The following FBXL19 variants were observed in gnomAD, a reference collection of about 807,000 sequenced individuals.
FBXL19 encodes the protein F-box and leucine rich repeat protein 19.
FBXL19 carries 16 observed loss-of-function variants against 71.2 expected under a neutral mutation model. The ratio of observed to expected loss-of-function variants is 0.22; its 90% CI spans 0.15 to 0.34. The LOEUF is 0.34. FBXL19 is among the 10% of genes least tolerant of loss of function. FBXL19 has a pLI of 1.00. For synonymous variants in FBXL19, 447 were observed against 409.4 expected (o/e 1.09, Z -1.11); for missense variants, 658 against 968.2 (o/e 0.68, Z 4.25).
Position 30,947,654 on chromosome 16 carries a change from C to G in FBXL19, c.*424C>G. The G allele has an allele frequency of 3.4e-6, 1 of 296,272 alleles. No individual in the cohort carries two copies. The highest frequency in any genetic ancestry group is 2.4e-5 in the South Asian group (1 of 41,986). The allele number at this position is 296,272 out of a possible 1,614,324, so 18.4% of individuals were successfully genotyped here. On this transcript the variant is annotated 3_prime_UTR_variant, in exon 11 of 11. Coordinates refer to ENST00000338343, the MANE Select transcript of FBXL19 (RefSeq NM_001382779.1). The stretch of plus-strand genomic sequence containing the variant: ...AGCAGACCACCAAGGGTTCAGGGAA[C>G]AAAGACCAGTTACTTGGAGTGGGGG...
chr16:30,931,502 T>C (rs1394736758), intron 7 of FBXL19, among the ~76,000 whole-genome samples: 2 of 152,150 alleles, frequency 1.3e-5, no homozygotes, highest in Non-Finnish European at 2.9e-5. Flanking sequence ...AGGCTCCCTG[T>C]TGGGCACTGC....
At chr16:30,941,852 T>TG (rs1354094864) in intron 7 of FBXL19, among the ~76,000 whole-genome samples, 3 of 152,004 alleles carry the variant, frequency 2.0e-5, no homozygotes, top group South Asian at 2.1e-4. Context: ...GCAGGCAGAG[T>TG]GGGGGGGCTA....
At chr16:30,938,613 A>G (rs200075361) in intron 7 of FBXL19, among the ~76,000 whole-genome samples, 2 of 152,254 alleles carry the variant, frequency 1.3e-5, no homozygotes, top group East Asian at 3.9e-4. Flanking sequence ...AAGTCTTTCC[A>G]TTGGAAGGAA....
intron 9 of FBXL19, among the ~76,000 whole-genome samples, chr16:30,943,723 G>A (rs981452824): frequency 1.3e-5 from 2 of 151,880 alleles, no homozygotes; most frequent in African/African-American, 4.8e-5. Context: ...GGCCGATCTC[G>A]AACTCCTTGT....
chr16:30,948,034 T>A lies in FBXL19; in HGVS notation c.*804T>A, dbSNP rs1234545995. 3.6e-6 allele frequency: 1 copy of A among 280,260 alleles called. No homozygotes were observed. The highest frequency in any genetic ancestry group is 2.3e-5 in the African/African-American group (1 of 43,882). The allele number at this position is 280,260 out of a possible 1,614,324, so 17.4% of individuals were successfully genotyped here. A position where few individuals can be genotyped will look rare whatever the true frequency, so the allele number is the denominator to read the frequency against. ...CATTCATCTGTACTGAAGTGTTACT[T>A]GAACCGGGGGAATCTCGGACCTGGG... On this transcript the variant is annotated 3_prime_UTR_variant, in exon 11 of 11. Transcript: ENST00000338343.
intron 7 of FBXL19, among the ~76,000 whole-genome samples, chr16:30,933,387 C>T (rs2055696670): frequency 6.6e-6 from 1 of 152,154 alleles, no homozygotes. Flanking sequence ...GATTCACCCA[C>T]CTTGGCCTCC....
At chr16:30,938,309 G>C (rs1368335684) in intron 7 of FBXL19, among the ~76,000 whole-genome samples, 1 of 151,986 alleles carries the variant, frequency 6.6e-6, no homozygotes, top group Non-Finnish European at 1.5e-5. Flanking sequence ...GAGCCCAGGG[G>C]TTCAAGACAA....
chr16:30,933,626 C>CT (rs1331865971), intron 7 of FBXL19, among the ~76,000 whole-genome samples: 9 of 147,494 alleles, frequency 6.1e-5, no homozygotes, highest in Admixed American at 2.7e-4. Flanking sequence ...ATTTTTAAAA[C>CT]TTTTTTGCAG....
intron 1 of FBXL19, 155 bp downstream of exon 1, chr16:30,924,614 C>T: frequency 3.6e-6 from 5 of 1,372,258 alleles, no homozygotes; most frequent in East Asian, 3.1e-5. Flanking sequence ...CCTCTCCACC[C>T]TGGGGAACTG....
intron 7 of FBXL19, among the ~76,000 whole-genome samples, chr16:30,937,605 A>T (rs1485508881): frequency 6.6e-6 from 1 of 152,102 alleles, no homozygotes; most frequent in African/African-American, 2.4e-5. Context: ...AGGGGGACTG[A>T]TGAGCTGTAG....
chr16:30,946,160 C>T lies in FBXL19; in HGVS notation c.1628-570C>T, dbSNP rs1226597051. On this transcript the variant is annotated intron_variant, in intron 9 of 10. Transcript: ENST00000338343. This position sits in a 1 kb window ranked among gnomAD's most constrained non-coding sequence, Gnocchi z 6.7. The stretch of plus-strand genomic sequence containing the variant: ...GTGAAGGAATCGGCATGTCACATGG[C>T]AAGACAGCAAGAGAGAGGAGGGGAG... Among the ~76,000 whole-genome samples, 2 of 152,076 alleles carry T rather than the reference C, an allele frequency of 1.3e-5. No individual in the cohort carries two copies. Among genetic ancestry groups the T allele is most frequent in the Non-Finnish European group, 2.9e-5 (2 of 68,022 alleles).
intron 7 of FBXL19, among the ~76,000 whole-genome samples, chr16:30,933,756 CTT>C (rs1029185414): frequency 7.2e-6 from 1 of 139,590 alleles, no homozygotes. Context: ...CGGCCAAGAA[CTT>C]TTTTTTTTTT....
rs1053929553 is a variant in FBXL19 at position 30,923,618 on chromosome 16, G to T, written c.-866G>T. On this transcript the variant is annotated 5_prime_UTR_variant, in exon 1 of 11. Transcript: ENST00000338343. Reference sequence around the variant, plus strand: ...GAGCTGAGGAGGGATGAGAGAGGCGGCCAGGGCCCCGGGCCGTAGCAGCGC... The same window carrying T: ...GAGCTGAGGAGGGATGAGAGAGGCGTCCAGGGCCCCGGGCCGTAGCAGCGC... 6.6e-6 allele frequency among the ~76,000 whole-genome samples: 1 copy of T among 151,604 alleles called. No homozygotes were observed. Among genetic ancestry groups the T allele is most frequent in the Non-Finnish European group, 1.5e-5 (1 of 67,768 alleles).
chr16:30,942,864 G>T lies in FBXL19; in HGVS notation c.1627+328G>T, dbSNP rs1195149252. Among the ~76,000 whole-genome samples, 1 of 152,152 alleles carries T rather than the reference G, an allele frequency of 6.6e-6. No homozygotes were observed. The highest frequency in any genetic ancestry group is 1.5e-5 in the Non-Finnish European group (1 of 68,038). On this transcript the variant is annotated intron_variant, in intron 9 of 10. Coordinates refer to ENST00000338343, the MANE Select transcript of FBXL19 (RefSeq NM_001382779.1). This position sits in a 1 kb window ranked among gnomAD's most constrained non-coding sequence, Gnocchi z 5.7. ...CTACTTAAATCTCATCATCCTTTAGGCCTGGGTATAAATGCCACTTCCTCC... is the reference window on the plus strand; with the variant it reads ...CTACTTAAATCTCATCATCCTTTAGTCCTGGGTATAAATGCCACTTCCTCC...
rs1344674266 is a variant in FBXL19 at position 30,923,793 on chromosome 16, T to TGGGGGA, written c.-683_-678dup. ...CCCTATCTCCCGAGGGTCGCGCGCT[T>TGGGGGA]GGGGGAGGGGGAGAGGTCGGGGGTG... On this transcript the variant is annotated 5_prime_UTR_variant, in exon 1 of 11. Transcript: ENST00000338343. 4.4e-5 allele frequency among the ~76,000 whole-genome samples: 2 copies of TGGGGGA among 45,380 alleles called. No homozygotes were observed. The highest frequency in any genetic ancestry group is 1.7e-4 in the African/African-American group (2 of 11,636). The allele number at this position is 45,380 out of a possible 152,430, so 29.8% of individuals were successfully genotyped here.
At chr16:30,924,776 T>G in intron 1 of FBXL19, 1 of 1,481,410 alleles carries the variant, frequency 6.8e-7, no homozygotes, top group South Asian at 1.4e-5. Flanking sequence ...GGGGTAAGAC[T>G]GACTGGGAAG....
intron 9 of FBXL19, among the ~76,000 whole-genome samples, chr16:30,944,717 C>T (rs956910299): frequency 6.6e-6 from 1 of 152,198 alleles, no homozygotes; most frequent in African/African-American, 2.4e-5. Flanking sequence ...TCCTCCCTGC[C>T]CAAGCCAGAA....
In FBXL19 at chr16:30,928,639, G is replaced by A. The variant is rs1430407100; in HGVS notation, c.789+11G>A. Reference sequence around the variant, plus strand: ...CCCGAGAACTGGGAGGTGTGCCGGGGACCTCCTCCCTCCCCTTCCCACCTT... The same window carrying A: ...CCCGAGAACTGGGAGGTGTGCCGGGAACCTCCTCCCTCCCCTTCCCACCTT... On this transcript the variant is annotated intron_variant, in intron 6 of 10. Coordinates refer to ENST00000338343, the MANE Select transcript of FBXL19 (RefSeq NM_001382779.1). The A allele has an allele frequency of 1.3e-6, 2 of 1,545,300 alleles. No individual in the cohort carries two copies. Among genetic ancestry groups the A allele is most frequent in the Admixed American group, 3.9e-5 (2 of 50,856 alleles).
rs575566584 is a variant in FBXL19, at chr16:30,946,546, G to C, written c.1628-184G>C. ...AATACAATAATCATGGAAGGCCTCC[G>C]AGGAGGTGATGTGAGGAGTGGACAG... On this transcript the variant is annotated intron_variant, in intron 9 of 10. Coordinates refer to ENST00000338343, the MANE Select transcript of FBXL19 (RefSeq NM_001382779.1). This position sits in a 1 kb window ranked among gnomAD's most constrained non-coding sequence, Gnocchi z 6.7. Among the ~76,000 whole-genome samples the C allele has an allele frequency of 1.3e-5, 2 of 152,190 alleles. No individual in the cohort carries two copies. Among genetic ancestry groups the C allele is most frequent in the East Asian group, 3.9e-4 (2 of 5,188 alleles).
Sources: gnomAD v4.1 joint callset for allele counts (sites outside exome capture counted in the v4.1 genomes callset) on GRCh38, gnomAD v4.1.1 for gene constraint, Gnocchi (gnomAD v3.1) non-coding constraint, MANE v1.5 for transcripts, NCBI Gene and HGNC (gene_info 2026-07-23, HGNC 2026-07-21) for gene names.